ADGRV1: variants seen among roughly 807,000 people sequenced by gnomAD.
ADGRV1 encodes the protein G-protein coupled receptor 98.
ADGRV1 carries 359 observed loss-of-function variants against 596.2 expected under a neutral mutation model. That is an observed-to-expected ratio of 0.60 (90% CI 0.55 to 0.66). The LOEUF (loss-of-function observed/expected upper bound fraction) is 0.66, where lower values mean the gene tolerates loss of function less well. Among genes scored for constraint, ADGRV1 ranks in the 30% least tolerant of loss-of-function variants. The pLI is 0.00. For synonymous variants in ADGRV1, 2,681 were observed against 2,679.2 expected (o/e 1.00, Z -0.02); for missense variants, 7,274 against 7,575.6 (o/e 0.96, Z 1.48).
intron 36 of ADGRV1, 87 bp from the exon 37 acceptor site, chr5:90,705,313 C>A (rs890553341): frequency 2.8e-6 from 3 of 1,090,014 alleles, no homozygotes; most frequent in South Asian, 1.5e-5. Context: ...CTTTTGATTA[C>A]CTTAATGTTT....
At chr5:90,961,513 G>GGA (rs1554178921) in intron 83 of ADGRV1, among the ~76,000 whole-genome samples, 1 of 144,820 alleles carries the variant, frequency 6.9e-6, no homozygotes, top group East Asian at 2.1e-4. Context: ...AAAAAGGGGG[G>GGA]GTGGCGGTCA....
At chr5:90,600,762 T>C (rs1482631594) in intron 1 of ADGRV1, among the ~76,000 whole-genome samples, 1 of 152,224 alleles carries the variant, frequency 6.6e-6, no homozygotes, top group Non-Finnish European at 1.5e-5. Context: ...TGTTTATTTT[T>C]CTTCATATCA....
At chr5:90,819,358 A>G (rs1204475191) in intron 75 of ADGRV1, among the ~76,000 whole-genome samples, 1 of 151,612 alleles carries the variant, frequency 6.6e-6, no homozygotes, top group African/African-American at 2.4e-5. Context: ...GATCCTTTCA[A>G]AAAACCAGCT....
At chr5:90,935,380 G>A (rs1281979518) in intron 83 of ADGRV1, among the ~76,000 whole-genome samples, 3 of 152,052 alleles carry the variant, frequency 2.0e-5, no homozygotes, top group East Asian at 3.9e-4. Context: ...TAATGGCCAG[G>A]GGTGAGTACT....
intron 41 of ADGRV1, among the ~76,000 whole-genome samples, chr5:90,711,785 A>G (rs1181784415): frequency 6.6e-6 from 1 of 151,722 alleles, no homozygotes; most frequent in African/African-American, 2.4e-5. Context: ...CTTCCCCTAT[A>G]ATTTTTTTGG....
chr5:90,940,858 A>C (rs1416030156), intron 83 of ADGRV1, among the ~76,000 whole-genome samples: 1 of 152,166 alleles, frequency 6.6e-6, no homozygotes, highest in Non-Finnish European at 1.5e-5. Flanking sequence ...TTCACTGTAA[A>C]GGCCATTTAG....
chr5:90,985,512 C>T lies in ADGRV1; in HGVS notation c.18142C>T (p.His6048Tyr). Residue 6048 changes from histidine (H) to tyrosine (Y), a missense_variant, in exon 85 of 90, where the codon CAT becomes TAT. Transcript: ENST00000405460. ...QSMSQIYGLI[H>Y]GDLCFIPNVY... ...CATGTCACAGATCTATGGACTCATT[C>T]ATGGTGACCTGTAAGTACACCCAGG... 6.2e-7 allele frequency: 1 copy of T among 1,613,328 alleles called. No individual in the cohort carries two copies. The highest frequency in any genetic ancestry group is 8.5e-7 in the Non-Finnish European group (1 of 1,179,338).
chr5:91,121,911 G>A (rs941833849), intron 87 of ADGRV1, among the ~76,000 whole-genome samples: 2 of 150,794 alleles, frequency 1.3e-5, no homozygotes, highest in South Asian at 2.1e-4. Flanking sequence ...TTTTTTTTCC[G>A]TGAAATGTCA....
intron 86 of ADGRV1, among the ~76,000 whole-genome samples, chr5:91,084,530 T>C (rs1313372799): frequency 6.6e-6 from 1 of 152,088 alleles, no homozygotes; most frequent in Non-Finnish European, 1.5e-5. Context: ...CACAGTGAAA[T>C]ACCATCTCAC....
intron 75 of ADGRV1, among the ~76,000 whole-genome samples, chr5:90,821,575 G>T (rs2150288253): frequency 6.6e-6 from 1 of 151,266 alleles, no homozygotes; most frequent in East Asian, 1.9e-4. Context: ...TGATGATGAT[G>T]ATGTACAGAT....
At chr5:90,755,269 CTT>C in intron 55 of ADGRV1, 84 bp downstream of exon 55, 1 of 858,740 alleles carries the variant, frequency 1.2e-6, no homozygotes, top group Non-Finnish European at 1.7e-6. Flanking sequence ...AAGTAAAAAT[CTT>C]TTTTTTAATA....
In ADGRV1 at chr5:90,684,018, A is replaced by C; in HGVS notation, c.6097A>C (p.Arg2033=). 1 of 1,613,952 alleles carries C rather than the reference A, an allele frequency of 6.2e-7. No homozygotes were observed. Among genetic ancestry groups the C allele is most frequent in the Non-Finnish European group, 8.5e-7 (1 of 1,179,882 alleles). ...ACCTTATTTTCCACCTAATTTAGCG[A>C]GAGCAACTCAAGGAAGAGACTATAT... ...KPPYFPPNLA[R]ATQGRDYIPA... Residue 2033 remains arginine (R), a synonymous_variant, in exon 28 of 90, where the codon AGA becomes CGA. Transcript: ENST00000405460.
intron 87 of ADGRV1, among the ~76,000 whole-genome samples, chr5:91,115,482 A>G (rs916209313): frequency 6.6e-6 from 1 of 152,268 alleles, no homozygotes; most frequent in Non-Finnish European, 1.5e-5. Flanking sequence ...TCTTATGGTC[A>G]GCTGATGAAC....
Position 90,703,681 on chromosome 5 carries a change from C to G in ADGRV1, c.8172C>G (p.Phe2724Leu). ...VIGHEGEILQ[F>L]HVIRTFPGRG... ...TACTTGCAGGAGAAATTTTACAATT[C>G]CATGTGATAAGAACTTTCCCTGGTC... is the stretch of plus-strand genomic sequence containing the variant. The change falls in exon 35 of 90, where the codon TTC becomes TTG. Residue 2724 changes from phenylalanine (F) to leucine (L), a missense_variant. Around this residue, in one of 5 missense-constraint regions of ADGRV1, gnomAD observed 3,643 missense variants for 3,809.2 expected, o/e 0.96. Coordinates refer to ENST00000405460, the MANE Select transcript of ADGRV1 (RefSeq NM_032119.4). 6.3e-7 allele frequency: 1 copy of G among 1,599,650 alleles called. No homozygotes were observed. Among genetic ancestry groups the G allele is most frequent in the Non-Finnish European group, 8.5e-7 (1 of 1,170,814 alleles).
chr5:90,776,780 G>A (rs1342489247), intron 61 of ADGRV1, among the ~76,000 whole-genome samples: 1 of 152,148 alleles, frequency 6.6e-6, no homozygotes. Context: ...TAGATCATGA[G>A]AAGGTTTCTG....
At chr5:90,628,454 G>C in intron 7 of ADGRV1, 108 bp from the exon 8 acceptor site, 1 of 876,398 alleles carries the variant, frequency 1.1e-6, no homozygotes, top group Non-Finnish European at 1.8e-6. Flanking sequence ...TTGTTGTATA[G>C]ATTCTGTTTT....
Position 90,810,939 on chromosome 5 carries a change from G to T in ADGRV1, c.15679G>T (p.Val5227Phe), listed in dbSNP as rs757675844. Residue 5227 changes from valine (V) to phenylalanine (F), a missense_variant, in exon 74 of 90, where the codon GTT (valine) becomes TTT (phenylalanine). Around this residue, in one of 5 missense-constraint regions of ADGRV1, gnomAD observed 1,874 missense variants for 1,970.2 expected, o/e 0.95. Transcript: ENST00000405460. ...HGTFSLGPSI[V>F]YIEEEMKNGT... ...AACATTCAGCCTTGGGCCATCCATT[G>T]TTTATATTGAAGAGGAGATGAAGAA... 5.6e-6 allele frequency: 9 copies of T among 1,613,852 alleles called. No homozygotes were observed. The African/African-American group carries it at 1.2e-4, about 22-fold the overall frequency.
intron 85 of ADGRV1, among the ~76,000 whole-genome samples, chr5:90,998,179 A>G (rs932498073): frequency 6.6e-6 from 1 of 152,204 alleles, no homozygotes; most frequent in Non-Finnish European, 1.5e-5. Context: ...AGCTTCTACC[A>G]ACCTGAGTTA....
At chr5:90,826,067 A>T (rs868450554) in intron 76 of ADGRV1, among the ~76,000 whole-genome samples, 2 of 152,174 alleles carry the variant, frequency 1.3e-5, no homozygotes, top group South Asian at 4.1e-4. Flanking sequence ...ATGGAAGATG[A>T]TTATTTTCTC....
Sources: allele counts gnomAD v4.1 joint callset (sites outside exome capture counted in the v4.1 genomes callset), GRCh38; gene constraint gnomAD v4.1.1; regional missense constraint gnomAD v4.1.1; transcripts MANE v1.5; gene names NCBI Gene and HGNC (gene_info 2026-07-23, HGNC 2026-07-21).